Variants in PRKCI observed in about 807,000 individuals in gnomAD.
The protein encoded by PRKCI is protein kinase C iota type.
In PRKCI, 43 loss-of-function variants were observed where a neutral mutation model predicts 84.0. The observed-to-expected ratio is 0.51, with a 90% CI of 0.40 to 0.66. The LOEUF (loss-of-function observed/expected upper bound fraction) is 0.66, where lower values mean the gene tolerates loss of function less well. Among genes scored for constraint, PRKCI ranks in the 30% least tolerant of loss-of-function variants. The probability of loss-of-function intolerance (pLI) is 0.00; values close to 1 mark genes in which losing one functional copy is unlikely to be tolerated. For synonymous variants in PRKCI, 216 were observed against 234.4 expected (o/e 0.92, Z 0.72); for missense variants, 459 against 745.6 (o/e 0.62, Z 4.48).
intron 2 of PRKCI, among the ~76,000 whole-genome samples, chr3:170,240,787 G>A (rs1403955196): frequency 6.6e-6 from 1 of 152,174 alleles, no homozygotes; most frequent in Non-Finnish European, 1.5e-5. Flanking sequence ...AGCAAGTAAA[G>A]ATCTTAAGCT....
chr3:170,289,681 G>A (rs1352061140), intron 12 of PRKCI, among the ~76,000 whole-genome samples: 1 of 152,210 alleles, frequency 6.6e-6, no homozygotes, highest in Non-Finnish European at 1.5e-5. Context: ...GGGAGGCCGA[G>A]GCGGGTGGAT....
intron 11 of PRKCI, 30 bp downstream of exon 11, chr3:170,281,998 T>C: frequency 6.2e-7 from 1 of 1,602,898 alleles, no homozygotes; most frequent in Non-Finnish European, 8.5e-7. Flanking sequence ...TTGTGTTGTT[T>C]TCTTTTTGGG....
chr3:170,243,172 A>G (rs1344532346), intron 2 of PRKCI, among the ~76,000 whole-genome samples: 1 of 152,176 alleles, frequency 6.6e-6, no homozygotes, highest in African/African-American at 2.4e-5. Context: ...TAGAGAACGT[A>G]TCTGTTATCC....
rs191808396 is a variant in PRKCI at position 170,222,852 on chromosome 3, G to A, written c.101+82G>A. The A allele has an allele frequency of 3.6e-3, 2,829 of 795,758 alleles. 63 individuals are homozygous for A. In the African/African-American group the frequency reaches 0.046, roughly 13 times the overall value. The allele number at this position is 795,758 out of a possible 1,614,324, so 49.3% of individuals were successfully genotyped here. ...CTGGAGGAGGGGAGGGTGAGGGGCT[G>A]GAGGTGTTGTGGGCGGATTGGGCTG... On this transcript the variant is annotated intron_variant, in intron 1 of 17. Transcript: ENST00000295797.
At chr3:170,287,320 CTAAAATATATAT>C (rs1734418672) in intron 12 of PRKCI, among the ~76,000 whole-genome samples, 1 of 149,540 alleles carries the variant, frequency 6.7e-6, no homozygotes, top group African/African-American at 2.5e-5. Context: ...GAGATCCTAT[CTAAAATATATAT>C]ATATATAGAG....
intron 16 of PRKCI, 130 bp from the exon 17 acceptor site, chr3:170,298,865 T>C (rs747148933): frequency 2.5e-5 from 16 of 635,398 alleles, no homozygotes; most frequent in Non-Finnish European, 2.5e-5. Context: ...ATGTTCATCA[T>C]TGCTAATATC....
chr3:170,254,870 G>A (rs1432144317), intron 2 of PRKCI, among the ~76,000 whole-genome samples: 1 of 151,360 alleles, frequency 6.6e-6, no homozygotes, highest in South Asian at 2.1e-4. Flanking sequence ...AATGTTATTG[G>A]TATTTTGATA....
chr3:170,291,705 A>C (rs916548971), intron 12 of PRKCI, 149 bp from the exon 13 acceptor site: 2 of 607,988 alleles, frequency 3.3e-6, no homozygotes, highest in African/African-American at 3.8e-5. Flanking sequence ...AAAAATAATA[A>C]TAATAATAAA....
At chr3:170,288,044 G>A (rs976107635) in intron 12 of PRKCI, among the ~76,000 whole-genome samples, 8 of 151,796 alleles carry the variant, frequency 5.3e-5, no homozygotes, top group African/African-American at 1.5e-4. Flanking sequence ...AGGAGATTGA[G>A]ACCATCCTGG....
chr3:170,243,446 G>C (rs916503130), intron 2 of PRKCI, among the ~76,000 whole-genome samples: 1 of 152,042 alleles, frequency 6.6e-6, no homozygotes, highest in African/African-American at 2.4e-5. Flanking sequence ...GGTTTTGGCT[G>C]TTTTAAATAA....
chr3:170,288,617 C>T (rs1006154277), intron 12 of PRKCI, among the ~76,000 whole-genome samples: 2 of 152,028 alleles, frequency 1.3e-5, no homozygotes, highest in African/African-American at 2.4e-5. Context: ...GGTGTGGTGG[C>T]GAGTGCCTGT....
chr3:170,262,830 T>C (rs944345975), intron 3 of PRKCI, among the ~76,000 whole-genome samples: 2 of 133,482 alleles, frequency 1.5e-5, no homozygotes, highest in Non-Finnish European at 3.2e-5. Flanking sequence ...TTTTCTTTCT[T>C]TCTTTTTTTT....
intron 14 of PRKCI, among the ~76,000 whole-genome samples, chr3:170,294,073 A>C (rs1004243859): frequency 6.6e-6 from 1 of 152,206 alleles, no homozygotes; most frequent in Non-Finnish European, 1.5e-5. Flanking sequence ...ACTCAAAATC[A>C]TAACAGGGGT....
In PRKCI at chr3:170,224,409, G is replaced by A. The variant is rs187771908; in HGVS notation, c.101+1639G>A. ...GTCACAAGAGCTGTTTTGACTTGAG[G>A]ATGGTCAGCCATGAACTTTGCAAGG... On this transcript the variant is annotated intron_variant, in intron 1 of 17. Coordinates refer to ENST00000295797, the MANE Select transcript of PRKCI (RefSeq NM_002740.6). Among the ~76,000 whole-genome samples, 445 of 150,984 alleles carry A rather than the reference G, an allele frequency of 2.9e-3. 1 individual carries two copies. The highest frequency in any genetic ancestry group is 9.8e-3 in the African/African-American group (403 of 41,164).
rs554432776 is a variant in PRKCI at position 170,253,810 on chromosome 3, T to C, written c.224-6159T>C. Among the ~76,000 whole-genome samples, 9 of 150,060 alleles carry C rather than the reference T, an allele frequency of 6.0e-5. No homozygotes were observed. In the East Asian group the frequency reaches 9.9e-4, roughly 17 times the overall value. On this transcript the variant is annotated intron_variant, in intron 2 of 17. Transcript: ENST00000295797. ...CATCTAAAATAAAAAAAAATGTCTATTCAGGGCTAGGGATGGTGTCTCACG... is the reference window on the plus strand; with the variant it reads ...CATCTAAAATAAAAAAAAATGTCTACTCAGGGCTAGGGATGGTGTCTCACG...
At chr3:170,285,131 G>A (rs1734344621) in intron 12 of PRKCI, among the ~76,000 whole-genome samples, 1 of 148,656 alleles carries the variant, frequency 6.7e-6, no homozygotes, top group Admixed American at 6.8e-5. Context: ...CCAGGCTGGA[G>A]TGCAGTGGCG....
intron 2 of PRKCI, among the ~76,000 whole-genome samples, chr3:170,255,349 C>T (rs747170315): frequency 3.3e-5 from 5 of 151,904 alleles, no homozygotes; most frequent in Admixed American, 2.0e-4. Context: ...TGTGAGCCAC[C>T]GCGCCTGGCT....
intron 9 of PRKCI, 49 bp downstream of exon 9, chr3:170,280,452 C>CT (rs745335370): frequency 0.083 from 85,368 of 1,031,396 alleles, no homozygotes; most frequent in Non-Finnish European, 0.089. Flanking sequence ...GAATACTATT[C>CT]TTTTTTTTTT....
rs927340445 is a variant in PRKCI, at chr3:170,252,145, C to T, written c.224-7824C>T. On this transcript the variant is annotated intron_variant, in intron 2 of 17. Coordinates refer to ENST00000295797, the MANE Select transcript of PRKCI (RefSeq NM_002740.6). ...AGGAAAATGGCATGAACTTGGGAGGCGGAGCTTGCAGTGAGCCGAGATTGC... is the reference window on the plus strand; with the variant it reads ...AGGAAAATGGCATGAACTTGGGAGGTGGAGCTTGCAGTGAGCCGAGATTGC... Among the ~76,000 whole-genome samples the T allele has an allele frequency of 2.0e-5, 3 of 147,196 alleles. No homozygotes were observed. The Admixed American group carries it at 2.0e-4, about 10-fold the overall frequency.
Sources: allele counts gnomAD v4.1 joint callset (sites outside exome capture counted in the v4.1 genomes callset), GRCh38; gene constraint gnomAD v4.1.1; transcripts MANE v1.5; gene names NCBI Gene and HGNC (gene_info 2026-07-23, HGNC 2026-07-21).